Variants in DGKI observed in about 807,000 individuals in gnomAD.
DGKI encodes the protein DAG kinase iota.
Under a neutral mutation model 147.5 loss-of-function variants are expected in DGKI, and 55 were observed. The observed-to-expected ratio is 0.37, with a 90% confidence interval of 0.30 to 0.47. The LOEUF is 0.47. Among genes scored for constraint, DGKI ranks in the 20% least tolerant of loss-of-function variants. The pLI, the probability that DGKI is intolerant of heterozygous loss-of-function variation, is 1.00. For synonymous variants in DGKI, 469 were observed against 477.1 expected, an observed-to-expected ratio of 0.98 and a Z score of 0.22; for missense variants, 1,007 against 1,323.8, an observed-to-expected ratio of 0.76 and a Z score of 3.71.
At chr7:137,577,132 G>C in intron 17 of DGKI, 90 bp downstream of exon 17, 1 of 894,624 alleles carries the variant, frequency 1.1e-6, no homozygotes, top group Non-Finnish European at 1.8e-6. Flanking sequence ...ATGCAGTCCA[G>C]TGATTCAATA....
At chr7:137,550,766 T>A (rs1356061652) in intron 20 of DGKI, among the ~76,000 whole-genome samples, 2 of 152,226 alleles carry the variant, frequency 1.3e-5, no homozygotes, top group Admixed American at 6.5e-5. Context: ...GTGAGTTCTC[T>A]GCCTATATAT....
chr7:137,486,759 A>G (rs1467992634), intron 22 of DGKI, among the ~76,000 whole-genome samples: 4 of 152,122 alleles, frequency 2.6e-5, no homozygotes, highest in African/African-American at 4.8e-5. Flanking sequence ...TTTAAACAGT[A>G]TGTGTCTACT....
At chr7:137,455,118 G>A (rs992413343) in intron 27 of DGKI, among the ~76,000 whole-genome samples, 2 of 152,116 alleles carry the variant, frequency 1.3e-5, no homozygotes, top group African/African-American at 4.8e-5. Context: ...TAGAAAATGG[G>A]AGACAAAACT....
chr7:137,510,227 T>C (rs1816534711), intron 21 of DGKI, among the ~76,000 whole-genome samples: 1 of 152,244 alleles, frequency 6.6e-6, no homozygotes, highest in South Asian at 2.1e-4. Flanking sequence ...ATGACAATGA[T>C]GTAAATGCCT....
At chr7:137,576,274 G>C (rs1404890988) in intron 17 of DGKI, among the ~76,000 whole-genome samples, 3 of 151,834 alleles carry the variant, frequency 2.0e-5, no homozygotes, top group Non-Finnish European at 4.4e-5. Flanking sequence ...CTGAGCTCAG[G>C]CAATCCAGCT....
chr7:137,583,376 G>T (rs905416434), intron 14 of DGKI, among the ~76,000 whole-genome samples: 1 of 152,108 alleles, frequency 6.6e-6, no homozygotes, highest in Non-Finnish European at 1.5e-5. Context: ...GACAGCATGG[G>T]TTGGTGATCC....
At chr7:137,455,847 A>G (rs1174858717) in intron 27 of DGKI, among the ~76,000 whole-genome samples, 1 of 151,890 alleles carries the variant, frequency 6.6e-6, no homozygotes, top group Non-Finnish European at 1.5e-5. Flanking sequence ...ACATTCCTCA[A>G]CTCCACACTG....
chr7:137,805,498 G>A (rs962054225), intron 1 of DGKI, among the ~76,000 whole-genome samples: 6 of 152,190 alleles, frequency 3.9e-5, no homozygotes, highest in Admixed American at 6.5e-5. Context: ...ATCAGCAGCC[G>A]TGGTTGGTTT....
intron 1 of DGKI, among the ~76,000 whole-genome samples, chr7:137,690,487 G>A (rs139746697): frequency 7.2e-5 from 11 of 152,238 alleles, no homozygotes; most frequent in African/African-American, 1.7e-4. Flanking sequence ...CTTTCCTCTC[G>A]AGAATATCAT....
chr7:137,572,921 A>AC (rs1046137347), intron 17 of DGKI, 83 bp from the exon 18 acceptor site: 2 of 929,810 alleles, frequency 2.2e-6, no homozygotes, highest in African/African-American at 3.3e-5. Flanking sequence ...TGACAATAGT[A>AC]CACACCATGG....
At chr7:137,709,966 A>C (rs1794166176) in intron 1 of DGKI, among the ~76,000 whole-genome samples, 1 of 152,014 alleles carries the variant, frequency 6.6e-6, no homozygotes, top group Non-Finnish European at 1.5e-5. Flanking sequence ...CAGAAACAGA[A>C]AAAATAGTAA....
intron 1 of DGKI, among the ~76,000 whole-genome samples, chr7:137,802,542 T>C (rs888784448): frequency 1.3e-5 from 2 of 152,170 alleles, no homozygotes; most frequent in Non-Finnish European, 2.9e-5. Flanking sequence ...AAGTAACCAA[T>C]TGTAATGTCA....
At chr7:137,796,341 A>T (rs1797028828) in intron 1 of DGKI, among the ~76,000 whole-genome samples, 1 of 152,108 alleles carries the variant, frequency 6.6e-6, no homozygotes, top group African/African-American at 2.4e-5. Context: ...CTACTAAAAG[A>T]TACAAAAAAT....
intron 7 of DGKI, among the ~76,000 whole-genome samples, chr7:137,622,153 G>A (rs1037321556): frequency 4.6e-5 from 7 of 152,132 alleles, no homozygotes; most frequent in Admixed American, 1.3e-4. Flanking sequence ...CCAGACCACC[G>A]AGTCTCTATC....
intron 5 of DGKI, among the ~76,000 whole-genome samples, chr7:137,651,557 G>T (rs1471513550): frequency 6.6e-6 from 1 of 152,172 alleles, no homozygotes; most frequent in Non-Finnish European, 1.5e-5. Flanking sequence ...ACATTCAAAA[G>T]ACATGCCAAG....
At position 137,712,706 on chromosome 7, in the gene DGKI, T is replaced by C. The variant is rs543873206; in HGVS notation, c.402-22704A>G. 1.5e-4 allele frequency among the ~76,000 whole-genome samples: 23 copies of C among 152,350 alleles called. No homozygotes were observed. The South Asian group carries it at 2.1e-3, about 14-fold the overall frequency. On this transcript the variant is annotated intron_variant, in intron 1 of 32. Coordinates refer to ENST00000614521, the MANE Select transcript of DGKI (RefSeq NM_001321708.2). ...CTCTTTGGAAGATTCTGAATGTTAA[T>C]AGTCGTCATATTTTGAGGATAGATT...
At chr7:137,540,112 G>GA (rs1226835728) in intron 20 of DGKI, among the ~76,000 whole-genome samples, 2 of 152,112 alleles carry the variant, frequency 1.3e-5, no homozygotes, top group East Asian at 3.8e-4. Flanking sequence ...TAAGAAAGAG[G>GA]AAAAAATCTT....
chr7:137,798,868 A>G (rs963652511), intron 1 of DGKI, among the ~76,000 whole-genome samples: 4 of 152,240 alleles, frequency 2.6e-5, no homozygotes, highest in Non-Finnish European at 4.4e-5. Context: ...TCAATATAAT[A>G]TACCATATTA....
chr7:137,498,795 A>G (rs1259559451), intron 21 of DGKI, among the ~76,000 whole-genome samples: 1 of 152,178 alleles, frequency 6.6e-6, no homozygotes, highest in Non-Finnish European at 1.5e-5. Context: ...TTGACACTAT[A>G]TTACCCCCTG....
Sources: allele counts gnomAD v4.1 joint callset (sites outside exome capture counted in the v4.1 genomes callset), GRCh38; gene constraint gnomAD v4.1.1; transcripts MANE v1.5; gene names NCBI Gene and HGNC (gene_info 2026-07-23, HGNC 2026-07-21).